Variants in COBL observed in about 807,000 individuals in gnomAD.
COBL encodes the protein cordon-bleu WH2 repeat protein, also known as protein cordon-bleu.
In COBL, 51 loss-of-function variants were observed where a neutral mutation model predicts 98.8. The observed-to-expected ratio is 0.52, with a 90% CI of 0.41 to 0.65. COBL has a LOEUF of 0.65. Among genes scored for constraint, COBL ranks in the 30% least tolerant of loss-of-function variants. The pLI is 0.00. For synonymous variants in COBL, 634 were observed against 651.7 expected, an observed-to-expected ratio of 0.97 and a Z score of 0.41; for missense variants, 1,617 against 1,617.5, an observed-to-expected ratio of 1.00 and a Z score of 0.01.
In COBL at chr7:51,222,137, C is replaced by T. The variant is rs1189635880; in HGVS notation, c.42-2193G>A. Among the ~76,000 whole-genome samples the T allele has an allele frequency of 3.3e-5, 5 of 151,998 alleles. No homozygotes were observed. The East Asian group carries it at 9.7e-4, about 29-fold the overall frequency. On this transcript the variant is annotated intron_variant, in intron 1 of 12. Coordinates refer to ENST00000265136, the MANE Select transcript of COBL (RefSeq NM_015198.5). ...CTGGGAAGCAGAGGTTGCAGTGAGC[C>T]GAGATCGCACCACTGCACCCCAGCC...
intron 12 of COBL, chr7:51,022,874 C>T (rs1787080259): frequency 6.6e-6 from 1 of 152,220 alleles, no homozygotes; most frequent in South Asian, 2.1e-4. Context: ...CAATCGTCTC[C>T]AACCTTAATG....
intron 6 of COBL, among the ~76,000 whole-genome samples, chr7:51,095,771 CAAAAACTGTCAT>C (rs1392199231): frequency 6.6e-6 from 1 of 152,032 alleles, no homozygotes; most frequent in Non-Finnish European, 1.5e-5. Flanking sequence ...GACTTCAAGT[CAAAAACTGTCAT>C]AAAACAAAGA....
At chr7:51,277,901 G>T (rs555561660) in intron 1 of COBL, among the ~76,000 whole-genome samples, 4 of 152,284 alleles carry the variant, frequency 2.6e-5, no homozygotes, top group African/African-American at 9.6e-5. Flanking sequence ...ATATTCCCAA[G>T]CTGCCTCTGA....
intron 2 of COBL, among the ~76,000 whole-genome samples, chr7:51,196,992 T>A (rs1790654776): frequency 6.6e-6 from 1 of 152,094 alleles, no homozygotes; most frequent in African/African-American, 2.4e-5. Flanking sequence ...GATTCACTGA[T>A]CCTTTGAATA....
At chr7:51,240,681 G>A (rs1467407156) in intron 1 of COBL, among the ~76,000 whole-genome samples, 2 of 148,098 alleles carry the variant, frequency 1.4e-5, no homozygotes, top group Non-Finnish European at 3.0e-5. Context: ...AGAGTAGCTG[G>A]GATTACAGGC....
rs1787789232 is a variant in COBL, at chr7:51,028,335, C to G, written c.2761G>C (p.Glu921Gln). 3 of 1,614,136 alleles carry G rather than the reference C, an allele frequency of 1.9e-6. No homozygotes were observed. The highest frequency in any genetic ancestry group is 2.7e-5 in the African/African-American group (2 of 74,944). Residue 921 changes from glutamate to glutamine, a missense_variant, in exon 10 of 13, where the codon GAG (glutamate) becomes CAG (glutamine). By Grantham distance (29) the Glu-to-Gln change is conservative. Coordinates refer to ENST00000265136, the MANE Select transcript of COBL (RefSeq NM_015198.5). ...GCACCATCCTTCCATCCTTGTGTCTCTGAGTGTGGGCTGGATGTCCTGTCA... is the reference window on the plus strand; with the variant it reads ...GCACCATCCTTCCATCCTTGTGTCTGTGAGTGTGGGCTGGATGTCCTGTCA... ...KDDRTSSPHS[E>Q]TQGWKDGAQW...
chr7:51,103,050 T>C (rs1164735940), intron 6 of COBL, among the ~76,000 whole-genome samples: 1 of 152,176 alleles, frequency 6.6e-6, no homozygotes, highest in Non-Finnish European at 1.5e-5. Context: ...GAAGATCTCA[T>C]GTTCAGTGTT....
intron 1 of COBL, among the ~76,000 whole-genome samples, chr7:51,251,564 G>C (rs1356560541): frequency 6.6e-6 from 1 of 152,202 alleles, no homozygotes; most frequent in African/African-American, 2.4e-5. Flanking sequence ...TCAAGATTTA[G>C]ATCCATATCA....
rs375086197 is a variant in COBL, at chr7:51,263,002, G to A, written c.42-43058C>T. ...GCAAGGTGAGGCACGGACGAGCCTC[G>A]TCTCCACACCAGGGCAGGTGGAACT... On this transcript the variant is annotated intron_variant, in intron 1 of 12. Coordinates refer to ENST00000265136, the MANE Select transcript of COBL (RefSeq NM_015198.5). 4.9e-4 allele frequency among the ~76,000 whole-genome samples: 75 copies of A among 152,238 alleles called. No individual in the cohort carries two copies. The South Asian group carries it at 0.015, about 30-fold the overall frequency.
At chr7:51,091,764 CT>C (rs1465070178) in intron 6 of COBL, among the ~76,000 whole-genome samples, 2 of 152,140 alleles carry the variant, frequency 1.3e-5, no homozygotes, top group African/African-American at 4.8e-5. Flanking sequence ...AAGAAAGAAA[CT>C]TGAAAACAGC....
At chr7:51,030,966 C>G (rs751699585) in intron 8 of COBL, 57 bp from the exon 9 acceptor site, 17 of 1,160,140 alleles carry the variant, frequency 1.5e-5, no homozygotes, top group Non-Finnish European at 1.9e-5. Flanking sequence ...ATTTAATGTA[C>G]TCCTTTCCAG....
intron 4 of COBL, among the ~76,000 whole-genome samples, chr7:51,190,315 C>T (rs1433234866): frequency 6.6e-6 from 1 of 152,124 alleles, no homozygotes; most frequent in African/African-American, 2.4e-5. Flanking sequence ...TTCAACCAAT[C>T]CTCCAGCCTC....
intron 1 of COBL, among the ~76,000 whole-genome samples, chr7:51,251,110 A>G (rs778966684): frequency 6.6e-6 from 1 of 152,240 alleles, no homozygotes; most frequent in Non-Finnish European, 1.5e-5. Context: ...TAAATTTTAA[A>G]TAGTAACATC....
chr7:51,316,759 G>C lies in COBL; in HGVS notation c.-126C>G, dbSNP rs1193024494. 1 of 725,468 alleles carries C rather than the reference G, an allele frequency of 1.4e-6. No homozygotes were observed. Among genetic ancestry groups the C allele is most frequent in the Admixed American group, 4.7e-5 (1 of 21,446 alleles). The allele number at this position is 725,468 out of a possible 1,614,324, so 44.9% of individuals were successfully genotyped here. On this transcript the variant is annotated 5_prime_UTR_variant, in exon 1 of 13. Transcript: ENST00000265136. Reference sequence around the variant, plus strand: ...ACCCATCGTCCTCCCACGCGGGCCGGCGGAGGACAGCGGCGGAGCGCGGCG... The same window carrying C: ...ACCCATCGTCCTCCCACGCGGGCCGCCGGAGGACAGCGGCGGAGCGCGGCG...
At chr7:51,071,159 G>C (rs957772370) in intron 7 of COBL, 2 of 152,170 alleles carry the variant, frequency 1.3e-5, no homozygotes, top group Non-Finnish European at 2.9e-5. Flanking sequence ...TTTGTGGATA[G>C]GGTGTATGAC....
intron 1 of COBL, among the ~76,000 whole-genome samples, chr7:51,253,993 C>A (rs1239366759): frequency 1.3e-5 from 2 of 151,860 alleles, no homozygotes; most frequent in African/African-American, 4.8e-5. Context: ...ATAAGCAAGC[C>A]ATATTCAAAG....
chr7:51,307,459 G>A (rs1457362342), intron 1 of COBL, among the ~76,000 whole-genome samples: 3 of 152,206 alleles, frequency 2.0e-5, no homozygotes, highest in African/African-American at 7.2e-5. Flanking sequence ...ACAAGGAGCA[G>A]GTTCTGGCCA....
chr7:51,220,546 T>C (rs1338437134), intron 1 of COBL, among the ~76,000 whole-genome samples: 1 of 152,214 alleles, frequency 6.6e-6, no homozygotes, highest in South Asian at 2.1e-4. Context: ...CATAACCCCC[T>C]TTGCCTTTGT....
Position 51,219,836 on chromosome 7 carries a change from G to C in COBL, c.150C>G (p.Asn50Lys), listed in dbSNP as rs139455232. The part of the protein sequence containing the change: ...PHDGALGSQQ[N>K]LVRMKEALRA... ...TCAGCGCCTCCTTCATGCGAACCAA[G>C]TTCTGCTGCGACCCGAGGGCCCCAT... Residue 50 changes from asparagine to lysine, a missense_variant, in exon 2 of 13, where the codon AAC (asparagine) becomes AAG (lysine). Physicochemically the swap from Asn to Lys is moderately conservative, Grantham distance 94. Transcript: ENST00000265136. 2 of 1,614,062 alleles carry C rather than the reference G, an allele frequency of 1.2e-6. No individual in the cohort carries two copies. Among genetic ancestry groups the C allele is most frequent in the Non-Finnish European group, 1.7e-6 (2 of 1,180,040 alleles).
Sources: gnomAD v4.1 joint callset for allele counts (sites outside exome capture counted in the v4.1 genomes callset) on GRCh38, gnomAD v4.1.1 for gene constraint, MANE v1.5 for transcripts, NCBI Gene and HGNC (gene_info 2026-07-23, HGNC 2026-07-21) for gene names.